The following ROBO2 variants were observed in gnomAD, a reference collection of about 807,000 sequenced individuals.
The protein encoded by ROBO2 is roundabout guidance receptor 2.
In ROBO2, 53 loss-of-function variants were observed where a neutral mutation model predicts 160.8. The ratio of observed to expected loss-of-function variants is 0.33; its 90% CI spans 0.26 to 0.41. The LOEUF (loss-of-function observed/expected upper bound fraction) is 0.41. ROBO2 is among the 10% of genes least tolerant of loss of function. The probability of loss-of-function intolerance (pLI) is 1.00; values close to 1 mark genes in which losing one functional copy is unlikely to be tolerated. For synonymous variants in ROBO2, 664 were observed against 611.7 expected (o/e 1.09, Z -1.26); for missense variants, 1,577 against 1,722.4 (o/e 0.92, Z 1.49).
intron 2 of ROBO2, among the ~76,000 whole-genome samples, chr3:76,848,328 G>A (rs1249826466): frequency 6.6e-6 from 1 of 152,128 alleles, no homozygotes; most frequent in Non-Finnish European, 1.5e-5. Context: ...CAACAGGGTA[G>A]GGGGTTGGCC....
chr3:76,911,673 G>T (rs1341929340), intron 2 of ROBO2, among the ~76,000 whole-genome samples: 1 of 152,102 alleles, frequency 6.6e-6, no homozygotes, highest in Non-Finnish European at 1.5e-5. Flanking sequence ...AAGTTTGAAA[G>T]ATTTTTTTAA....
chr3:76,640,787 A>T (rs891713117), intron 2 of ROBO2, among the ~76,000 whole-genome samples: 5 of 152,076 alleles, frequency 3.3e-5, no homozygotes, highest in African/African-American at 4.8e-5. Flanking sequence ...GAGCAGGCAA[A>T]TACAGTAAGC....
In ROBO2 at chr3:76,038,385, A is replaced by T. The variant is rs766215; in HGVS notation, c.109+100783A>T. 1.1e-3 allele frequency among the ~76,000 whole-genome samples: 169 copies of T among 152,108 alleles called. 2 individuals are homozygous for T. Among genetic ancestry groups the T allele is most frequent in the African/African-American group, 3.8e-3 (159 of 41,380 alleles). ...GGAAAGTAGGATCTGGTAATGAACA[A>T]TCTAGAAGCAAGAATTATAGAGGTG... On this transcript the variant is annotated intron_variant, in intron 2 of 26. Transcript: ENST00000487694.
Position 77,256,941 on chromosome 3 carries a change from T to C in ROBO2, c.388+158601T>C, listed in dbSNP as rs77392463. Among the ~76,000 whole-genome samples, 60 of 152,310 alleles carry C rather than the reference T, an allele frequency of 3.9e-4. 2 individuals carry two copies. In the East Asian group the frequency reaches 8.7e-3, roughly 22 times the overall value. ...GCAACTCATTAGCTCTCACTTTTTT[T>C]TGCTAATCCACAAATTCTGTCCTAT... On this transcript the variant is annotated intron_variant, in intron 2 of 25. Coordinates refer to ENST00000461745, the Ensembl canonical transcript of ROBO2.
chr3:76,687,395 T>C (rs1427781842), intron 2 of ROBO2, among the ~76,000 whole-genome samples: 1 of 152,108 alleles, frequency 6.6e-6, no homozygotes, highest in Non-Finnish European at 1.5e-5. Flanking sequence ...TTGTTCATAT[T>C]CAATAAATAT....
intron 2 of ROBO2, among the ~76,000 whole-genome samples, chr3:76,393,121 A>T (rs1559871624): frequency 1.3e-5 from 2 of 152,196 alleles, no homozygotes; most frequent in African/African-American, 4.8e-5. Context: ...TCCTAGATAT[A>T]ACATCGTTTT....
At chr3:77,463,838 C>T (rs1051636239) in intron 2 of ROBO2, among the ~76,000 whole-genome samples, 2 of 152,108 alleles carry the variant, frequency 1.3e-5, no homozygotes, top group Non-Finnish European at 2.9e-5. Flanking sequence ...ACCTCGTGGC[C>T]TGTCAAAGTG....
At chr3:76,027,558 C>A (rs2066785605) in intron 2 of ROBO2, among the ~76,000 whole-genome samples, 1 of 151,862 alleles carries the variant, frequency 6.6e-6, no homozygotes, top group African/African-American at 2.4e-5. Flanking sequence ...GTTCTAATAT[C>A]ATAAATAATC....
intron 2 of ROBO2, among the ~76,000 whole-genome samples, chr3:77,272,581 A>G (rs1035222443): frequency 6.6e-6 from 1 of 152,168 alleles, no homozygotes; most frequent in Admixed American, 6.5e-5. Flanking sequence ...TTTGAGTGGG[A>G]ACACAAATCC....
chr3:76,175,434 A>G (rs1017014059), intron 2 of ROBO2, among the ~76,000 whole-genome samples: 1 of 152,070 alleles, frequency 6.6e-6, no homozygotes, highest in African/African-American at 2.4e-5. Context: ...TTTGGGTTCT[A>G]GTCTGAACGT....
At chr3:75,954,959 C>T (rs1439430026) in intron 2 of ROBO2, among the ~76,000 whole-genome samples, 2 of 151,682 alleles carry the variant, frequency 1.3e-5, no homozygotes, top group Non-Finnish European at 2.9e-5. Context: ...TCAGGTGAGG[C>T]AATTAGAATG....
At chr3:76,193,869 A>G (rs1341312677) in intron 2 of ROBO2, among the ~76,000 whole-genome samples, 1 of 152,112 alleles carries the variant, frequency 6.6e-6, no homozygotes, top group Admixed American at 6.6e-5. Flanking sequence ...TTGAAGAACT[A>G]TGTGTTCTAT....
At chr3:77,145,110 G>T (rs973716931) in intron 2 of ROBO2, among the ~76,000 whole-genome samples, 3 of 152,074 alleles carry the variant, frequency 2.0e-5, no homozygotes, top group African/African-American at 7.2e-5. Context: ...TTTATACCTG[G>T]TTTACAGTTC....
chr3:77,438,539 T>C (rs949712485), intron 2 of ROBO2, among the ~76,000 whole-genome samples: 12 of 147,194 alleles, frequency 8.2e-5, no homozygotes, highest in Non-Finnish European at 1.1e-4. Context: ...GAGAAGGGGA[T>C]ACACACACAC....
intron 2 of ROBO2, among the ~76,000 whole-genome samples, chr3:75,964,220 G>A (rs1386588345): frequency 6.6e-6 from 1 of 151,692 alleles, no homozygotes; most frequent in East Asian, 2.0e-4. Flanking sequence ...GAGACAGTAT[G>A]ATAATTTTTT....
At chr3:76,439,792 GCTAA>G (rs2076841402) in intron 2 of ROBO2, among the ~76,000 whole-genome samples, 1 of 152,092 alleles carries the variant, frequency 6.6e-6, no homozygotes, top group African/African-American at 2.4e-5. Flanking sequence ...TAAATCATTT[GCTAA>G]GTATTAGAAT....
chr3:77,628,766 C>T (rs1403000101), intron 23 of ROBO2, among the ~76,000 whole-genome samples: 3 of 152,158 alleles, frequency 2.0e-5, no homozygotes, highest in Non-Finnish European at 4.4e-5. Context: ...TTTCTATGTT[C>T]CTTGCCCTCC....
chr3:77,475,144 A>G (rs1427267325), intron 2 of ROBO2, among the ~76,000 whole-genome samples: 2 of 152,142 alleles, frequency 1.3e-5, no homozygotes, highest in African/African-American at 4.8e-5. Context: ...ACTAAACACA[A>G]ATGGATTTAC....
At chr3:76,247,775 A>G (rs560658879) in intron 2 of ROBO2, among the ~76,000 whole-genome samples, 82 of 152,184 alleles carry the variant, frequency 5.4e-4, no homozygotes, top group African/African-American at 1.4e-3. Context: ...CAGAATCTAC[A>G]ATGAACTCAA....
Sources: gnomAD v4.1 joint callset for allele counts (sites outside exome capture counted in the v4.1 genomes callset) on GRCh38, gnomAD v4.1.1 for gene constraint, MANE v1.5 for transcripts, NCBI Gene and HGNC (gene_info 2026-07-23, HGNC 2026-07-21) for gene names.